SMCHD1: variants seen among roughly 807,000 people sequenced by gnomAD.
SMCHD1 encodes the protein structural maintenance of chromosomes flexible hinge domain-containing protein 1.
In SMCHD1, 78 loss-of-function variants were observed where a neutral mutation model predicts 254.7. The ratio of observed to expected loss-of-function variants is 0.31; its 90% CI spans 0.26 to 0.37. SMCHD1 has a LOEUF of 0.37. Among genes scored for constraint, SMCHD1 ranks in the 10% least tolerant of loss-of-function variants. The pLI, the probability that SMCHD1 is intolerant of heterozygous loss-of-function variation, is 1.00. For synonymous variants in SMCHD1, 766 were observed against 794.9 expected (o/e 0.96, Z 0.61); for missense variants, 1,840 against 2,408.1 (o/e 0.76, Z 4.94).
At chr18:2,706,818 A>G (rs1219649769) in intron 15 of SMCHD1, among the ~76,000 whole-genome samples, 2 of 152,340 alleles carry the variant, frequency 1.3e-5, no homozygotes, top group Admixed American at 6.5e-5. Context: ...TCACACTGCT[A>G]TAAAGATACT....
Position 2,701,124 on chromosome 18 carries a change from A to G in SMCHD1, c.1647+206A>G, listed in dbSNP as rs749228612. 256 of 374,644 alleles carry G rather than the reference A, an allele frequency of 6.8e-4. 4 individuals carry two copies. The highest frequency in any genetic ancestry group is 1.8e-4 in the South Asian group (2 of 11,104). 23.2% of individuals were successfully genotyped at this position (374,644 alleles called of 1,614,324 possible). A position where few individuals can be genotyped will look rare whatever the true frequency, so the allele number is the denominator to read the frequency against. On this transcript the variant is annotated intron_variant, in intron 12 of 47. Coordinates refer to ENST00000320876, the MANE Select transcript of SMCHD1 (RefSeq NM_015295.3). ...TGACTAAACCTACCTAGTAAAGACTAGGTTTGGATAGAATTTACATATCTT... is the reference window on the plus strand; with the variant it reads ...TGACTAAACCTACCTAGTAAAGACTGGGTTTGGATAGAATTTACATATCTT...
intron 24 of SMCHD1, among the ~76,000 whole-genome samples, chr18:2,731,842 C>T (rs2075146340): frequency 6.6e-6 from 1 of 152,122 alleles, no homozygotes; most frequent in Non-Finnish European, 1.5e-5. Flanking sequence ...TGAAACCCAT[C>T]TCTGCTGAAA....
intron 42 of SMCHD1, among the ~76,000 whole-genome samples, chr18:2,776,536 A>T (rs2143775246): frequency 6.6e-6 from 1 of 152,198 alleles, no homozygotes; most frequent in South Asian, 2.1e-4. Context: ...ATGTACCCTG[A>T]TTAGGCCTAC....
intron 47 of SMCHD1, 76 bp downstream of exon 47, chr18:2,796,597 T>C: frequency 1.0e-6 from 1 of 986,832 alleles, no homozygotes; most frequent in Non-Finnish European, 1.6e-6. Context: ...CTTTGTTTTT[T>C]TGAGATGAAG....
rs1460762511 is a variant in SMCHD1 at position 2,688,524 on chromosome 18, T to G, written c.753+16T>G. 6.2e-7 allele frequency: 1 copy of G among 1,604,758 alleles called. No homozygotes were observed. Among genetic ancestry groups the G allele is most frequent in the Admixed American group, 1.7e-5 (1 of 59,672 alleles). On this transcript the variant is annotated intron_variant, in intron 6 of 47. Coordinates refer to ENST00000320876, the MANE Select transcript of SMCHD1 (RefSeq NM_015295.3). ...ATCAGCCAGAGTAAGTAAAAAGATT[T>G]CTTATAAATGAAAGTTGATCAAAAT...
At chr18:2,704,646 G>A (rs2074475893) in intron 13 of SMCHD1, among the ~76,000 whole-genome samples, 1 of 150,856 alleles carries the variant, frequency 6.6e-6, no homozygotes. Context: ...GTGTGGGCTG[G>A]AAGAACAGAG....
chr18:2,779,853 G>A (rs1167171248), intron 44 of SMCHD1, among the ~76,000 whole-genome samples: 1 of 152,014 alleles, frequency 6.6e-6, no homozygotes, highest in East Asian at 1.9e-4. Context: ...TGTTAAAGAG[G>A]TGGGGGATTT....
Position 2,803,373 on chromosome 18 carries a change from A to G in SMCHD1, c.*821A>G, listed in dbSNP as rs954475042. The G allele has an allele frequency of 1.3e-5, 2 of 151,826 alleles. No homozygotes were observed. Among genetic ancestry groups the G allele is most frequent in the African/African-American group, 4.8e-5 (2 of 41,426 alleles). The allele number at this position is 151,826 out of a possible 1,614,324, so 9.4% of individuals were successfully genotyped here. On this transcript the variant is annotated 3_prime_UTR_variant, in exon 48 of 48. Coordinates refer to ENST00000320876, the MANE Select transcript of SMCHD1 (RefSeq NM_015295.3). ...ATTTTTAAGGGGTTAAAGAGAACAT[A>G]CATTCTCACATTAGTGTACTTTCTG...
chr18:2,775,091 T>C (rs2143768148), intron 41 of SMCHD1, among the ~76,000 whole-genome samples: 1 of 142,538 alleles, frequency 7.0e-6, no homozygotes, highest in East Asian at 2.1e-4. Context: ...TTTTTTTTTT[T>C]TTTTTTTTGG....
rs371018384 is a variant in SMCHD1, at chr18:2,789,206, A to T, written c.5719+4585A>T. On this transcript the variant is annotated intron_variant, in intron 45 of 47. Transcript: ENST00000320876. Reference sequence around the variant, plus strand: ...TGGCTAATTTTTTTGTATTATTATTATTTTTTTTTTTTTTTGGTAGACATG... The same window carrying T: ...TGGCTAATTTTTTTGTATTATTATTTTTTTTTTTTTTTTTTGGTAGACATG... Among the ~76,000 whole-genome samples the T allele has an allele frequency of 3.2e-4, 46 of 143,938 alleles. No homozygotes were observed. The Middle Eastern group carries it at 0.019, about 61-fold the overall frequency. The allele number at this position is 143,938 out of a possible 152,430, so 94.4% of individuals were successfully genotyped here. A position where few individuals can be genotyped will look rare whatever the true frequency, so the allele number is the denominator to read the frequency against.
chr18:2,660,061 C>T (rs2073200681), intron 1 of SMCHD1, among the ~76,000 whole-genome samples: 1 of 152,180 alleles, frequency 6.6e-6, no homozygotes, highest in Non-Finnish European at 1.5e-5. Flanking sequence ...TAGTGGCTTA[C>T]ACCTGTAATC....
chr18:2,689,343 G>A (rs1386785559), intron 7 of SMCHD1, among the ~76,000 whole-genome samples: 5 of 150,560 alleles, frequency 3.3e-5, no homozygotes, highest in South Asian at 2.1e-4. Flanking sequence ...TCAGCCTCTC[G>A]AGTAGCTGGG....
intron 25 of SMCHD1, among the ~76,000 whole-genome samples, chr18:2,734,172 A>G (rs1277192354): frequency 6.6e-6 from 1 of 152,182 alleles, no homozygotes; most frequent in African/African-American, 2.4e-5. Flanking sequence ...AGATAGAAAT[A>G]ATTCTGATTC....
chr18:2,680,104 T>A (rs2073890750), intron 5 of SMCHD1, among the ~76,000 whole-genome samples: 1 of 146,826 alleles, frequency 6.8e-6, no homozygotes, highest in South Asian at 2.1e-4. Flanking sequence ...TTTCTTATAC[T>A]TTCTTTTAGT....
At chr18:2,693,025 G>T (rs1242218042) in intron 7 of SMCHD1, among the ~76,000 whole-genome samples, 1 of 152,184 alleles carries the variant, frequency 6.6e-6, no homozygotes, top group Non-Finnish European at 1.5e-5. Flanking sequence ...AGCAATTAGT[G>T]TATAGAGATG....
Position 2,718,049 on chromosome 18 carries a change from A to C in SMCHD1, c.2261-109A>C. 2 of 739,634 alleles carry C rather than the reference A, an allele frequency of 2.7e-6. No homozygotes were observed. The highest frequency in any genetic ancestry group is 4.4e-6 in the Non-Finnish European group (2 of 456,736). The allele number at this position is 739,634 out of a possible 1,614,324, so 45.8% of individuals were successfully genotyped here. A position where few individuals can be genotyped will look rare whatever the true frequency, so the allele number is the denominator to read the frequency against. On this transcript the variant is annotated intron_variant, in intron 17 of 47. Transcript: ENST00000320876. This position sits in a 1 kb window ranked among gnomAD's most constrained non-coding sequence, Gnocchi z 4.6. The stretch of plus-strand genomic sequence containing the variant: ...GTTAGATCTTTTGAAGCTTCAAAGC[A>C]GGTTTTAAAATACAGCAAATAGGTA...
rs2076200806 is a variant in SMCHD1 at position 2,784,048 on chromosome 18, A to G, written c.5548-402A>G. ...TGCTTTCCAGTCTGTATTTTCTTCA[A>G]TGTAATATTCTCCTTTTGCTATCCT... is the stretch of plus-strand genomic sequence containing the variant. On this transcript the variant is annotated intron_variant, in intron 44 of 47. Coordinates refer to ENST00000320876, the MANE Select transcript of SMCHD1 (RefSeq NM_015295.3). Among the ~76,000 whole-genome samples, 5 of 152,140 alleles carry G rather than the reference A, an allele frequency of 3.3e-5. No homozygotes were observed. In the South Asian group the frequency reaches 6.2e-4, roughly 19 times the overall value.
In SMCHD1 at chr18:2,737,562, A is replaced by G. The variant is rs144840875; in HGVS notation, c.3277-835A>G. Among the ~76,000 whole-genome samples the G allele has an allele frequency of 4.9e-3, 686 of 140,886 alleles. 7 individuals are homozygous for G. Among genetic ancestry groups the G allele is most frequent in the African/African-American group, 0.016 (629 of 39,124 alleles). The allele number at this position is 140,886 out of a possible 152,430, so 92.4% of individuals were successfully genotyped here. ...ATAGTGAGACCACATCTCAACAAAAAATTAGGCAGACCTGGGGTGCATGCC... is the reference window on the plus strand; with the variant it reads ...ATAGTGAGACCACATCTCAACAAAAGATTAGGCAGACCTGGGGTGCATGCC... On this transcript the variant is annotated intron_variant, in intron 25 of 47. Transcript: ENST00000320876.
At chr18:2,669,284 G>T (rs555030337) in intron 3 of SMCHD1, among the ~76,000 whole-genome samples, 8 of 152,248 alleles carry the variant, frequency 5.3e-5, no homozygotes, top group African/African-American at 1.9e-4. Flanking sequence ...GGAATTCGAG[G>T]CTATAGTGAG....
Sources: allele counts gnomAD v4.1 joint callset (sites outside exome capture counted in the v4.1 genomes callset), GRCh38; gene constraint gnomAD v4.1.1; non-coding constraint Gnocchi (gnomAD v3.1); transcripts MANE v1.5; gene names NCBI Gene and HGNC (gene_info 2026-07-23, HGNC 2026-07-21).